Variants in KIF11 observed in about 807,000 individuals in gnomAD.
The protein encoded by KIF11 is kinesin family member 11.
In KIF11, 9 loss-of-function variants were observed where a neutral mutation model predicts 121.0. That is an observed-to-expected ratio of 0.07 (90% CI 0.04 to 0.13). The LOEUF (loss-of-function observed/expected upper bound fraction) is 0.13, where lower values mean the gene tolerates loss of function less well. KIF11 is among the 10% of genes least tolerant of loss of function. The pLI, the probability that KIF11 is intolerant of heterozygous loss-of-function variation, is 1.00. For missense variants in KIF11, 846 were observed against 1,217.5 expected (o/e 0.69, Z 4.54); for synonymous variants, 408 against 421.0 (o/e 0.97, Z 0.38).
chr10:92,621,150 T>G (rs1844613007), intron 9 of KIF11, among the ~76,000 whole-genome samples: 1 of 152,178 alleles, frequency 6.6e-6, no homozygotes, highest in Non-Finnish European at 1.5e-5. Context: ...GAGGTTGTGG[T>G]TTTTCTTGGG....
At chr10:92,610,971 G>C (rs1589592756) in intron 6 of KIF11, among the ~76,000 whole-genome samples, 1 of 151,998 alleles carries the variant, frequency 6.6e-6, no homozygotes, top group East Asian at 1.9e-4. Context: ...CTGAACTAAA[G>C]ACTAGGTAAA....
chr10:92,595,475 A>C (rs933361354), intron 1 of KIF11, among the ~76,000 whole-genome samples: 3 of 152,138 alleles, frequency 2.0e-5, no homozygotes, highest in Non-Finnish European at 4.4e-5. Context: ...CCACAGGTTA[A>C]AGTTTACAGA....
Position 92,649,902 on chromosome 10 carries a change from T to A in KIF11, c.2838T>A (p.His946Gln). 1 of 1,613,320 alleles carries A rather than the reference T, an allele frequency of 6.2e-7. No homozygotes were observed. Among genetic ancestry groups the A allele is most frequent in the Non-Finnish European group, 8.5e-7 (1 of 1,179,342 alleles). The part of the protein sequence containing the change: ...STLVRTEPRE[H>Q]LLDQLKRKQP... ...TGGTAAGAACTGAACCACGTGAACATCTCCTTGATCAGCTGAAAAGGAAAC... is the reference window on the plus strand; with the variant it reads ...TGGTAAGAACTGAACCACGTGAACAACTCCTTGATCAGCTGAAAAGGAAAC... Residue 946 changes from histidine (H) to glutamine (Q), a missense_variant, in exon 20 of 22, where the codon CAT becomes CAA. His to Gln is a conservative substitution (Grantham distance 24). Coordinates refer to ENST00000260731, the MANE Select transcript of KIF11 (RefSeq NM_004523.4).
At chr10:92,601,900 G>A (rs1589587865) in intron 1 of KIF11, among the ~76,000 whole-genome samples, 1 of 151,864 alleles carries the variant, frequency 6.6e-6, no homozygotes, top group African/African-American at 2.4e-5. Context: ...GTTTGCTGTG[G>A]GTTTTTCATA....
chr10:92,651,180 C>A (rs1452753790), intron 21 of KIF11, among the ~76,000 whole-genome samples: 1 of 151,850 alleles, frequency 6.6e-6, no homozygotes, highest in Admixed American at 6.6e-5. Flanking sequence ...CATGCACCAC[C>A]ACACCTGGCT....
intron 19 of KIF11, among the ~76,000 whole-genome samples, chr10:92,649,120 CT>C (rs11285704): frequency 0.15 from 22,227 of 144,028 alleles, 3,386 homozygotes; most frequent in African/African-American, 0.4. Context: ...TCACAAAACT[CT>C]TTTTTTTTTT....
At chr10:92,607,497 G>T (rs1359908518) in intron 4 of KIF11, among the ~76,000 whole-genome samples, 1 of 152,166 alleles carries the variant, frequency 6.6e-6, no homozygotes, top group Non-Finnish European at 1.5e-5. Context: ...AGAATGGTTG[G>T]AGCAGAATAT....
rs772448212 is a variant in KIF11 at position 92,637,405 on chromosome 10, G to A, written c.2020G>A (p.Glu674Lys). 8.2e-6 allele frequency: 13 copies of A among 1,579,066 alleles called. No homozygotes were observed. The highest frequency in any genetic ancestry group is 1.1e-5 in the Non-Finnish European group (13 of 1,171,624). Residue 674 changes from glutamate to lysine, a missense_variant, in exon 16 of 22, where the codon GAA becomes AAA. By Grantham distance (56) the Glu-to-Lys change is moderately conservative. Transcript: ENST00000260731. ...VADKIEDQKK[E>K]LDGFLSILCN... ...TTCAAAGATAGAAGATCAAAAAAAG[G>A]AACTAGATGGCTTTCTCAGTATACT...
At chr10:92,597,448 A>G (rs1181459314) in intron 1 of KIF11, among the ~76,000 whole-genome samples, 1 of 151,964 alleles carries the variant, frequency 6.6e-6, no homozygotes. Context: ...TATTTTTAGT[A>G]GAGATGGGGT....
At chr10:92,596,380 C>T (rs1844297173) in intron 1 of KIF11, among the ~76,000 whole-genome samples, 1 of 152,156 alleles carries the variant, frequency 6.6e-6, no homozygotes, top group African/African-American at 2.4e-5. Context: ...GGGTATTTAC[C>T]CAGAATTGTA....
At chr10:92,608,066 C>CA (rs201815192) in intron 4 of KIF11, among the ~76,000 whole-genome samples, 65 of 112,582 alleles carry the variant, frequency 5.8e-4, no homozygotes, top group African/African-American at 8.5e-4. Flanking sequence ...GACTCTGTCT[C>CA]AAAAAAAAAC....
chr10:92,652,678 A>G (rs1445941533), intron 21 of KIF11, among the ~76,000 whole-genome samples: 4 of 152,204 alleles, frequency 2.6e-5, no homozygotes, highest in Non-Finnish European at 5.9e-5. Context: ...AAGTTAGGAA[A>G]GGGGGAAGGA....
intron 10 of KIF11, among the ~76,000 whole-genome samples, chr10:92,626,755 ATTTTATTTTTAT>A (rs1335231724): frequency 6.6e-6 from 1 of 151,912 alleles, no homozygotes; most frequent in Admixed American, 6.6e-5. Context: ...TATTTATTTT[ATTTTATTTTTAT>A]TTTTATTTTT....
chr10:92,632,686 C>A lies in KIF11; in HGVS notation c.1695C>A (p.Thr565=). The A allele has an allele frequency of 6.3e-7, 1 of 1,597,080 alleles. No individual in the cohort carries two copies. Among genetic ancestry groups the A allele is most frequent in the Non-Finnish European group, 8.5e-7 (1 of 1,169,710 alleles). ...KQKAMLEVHK[T]LFGNLLSSSV... is the part of the protein sequence containing the mutation. ...AGGCCATGCTAGAAGTACATAAGAC[C>A]TTATTTGGTAAGTTCAGGCTGTTCT... is the stretch of plus-strand genomic sequence containing the variant. Residue 565 remains threonine (T), a synonymous_variant, in exon 13 of 22, where the codon ACC becomes ACA. Coordinates refer to ENST00000260731, the MANE Select transcript of KIF11 (RefSeq NM_004523.4).
chr10:92,597,768 C>A (rs1475574337), intron 1 of KIF11, among the ~76,000 whole-genome samples: 1 of 151,974 alleles, frequency 6.6e-6, no homozygotes, highest in Non-Finnish European at 1.5e-5. Context: ...TTTCCTGCCT[C>A]AGCCTCTAGA....
In KIF11 at chr10:92,648,243, C is replaced by T. The variant is rs1449059778; in HGVS notation, c.2579C>T (p.Ser860Leu). Residue 860 changes from serine (S) to leucine (L), a missense_variant, in exon 19 of 22, where the codon TCA becomes TTA. Ser to Leu is a moderately radical substitution (Grantham distance 145). This residue lies in a region of KIF11 where 492 missense variants were observed against 603.4 expected (regional missense o/e 0.82). Coordinates refer to ENST00000260731, the MANE Select transcript of KIF11 (RefSeq NM_004523.4). ...VVSQCCEASSSDITEKSDGRK... is the reference protein window; with the variant it reads ...VVSQCCEASSLDITEKSDGRK... ...AGCCAATGTTGTGAGGCTTCAAGTT[C>T]AGACATCACTGAGAAATCAGATGGA... 3.7e-6 allele frequency: 6 copies of T among 1,611,854 alleles called. No homozygotes were observed. Among genetic ancestry groups the T allele is most frequent in the Non-Finnish European group, 5.1e-6 (6 of 1,179,026 alleles).
chr10:92,626,868 TC>T (rs1665660831), intron 10 of KIF11, among the ~76,000 whole-genome samples: 1 of 152,084 alleles, frequency 6.6e-6, no homozygotes, highest in Non-Finnish European at 1.5e-5. Context: ...CACGCCATTC[TC>T]TCGCCTCAGC....
intron 17 of KIF11, among the ~76,000 whole-genome samples, chr10:92,642,821 G>T (rs936850469): frequency 2.6e-5 from 4 of 151,950 alleles, no homozygotes; most frequent in South Asian, 2.1e-4. Flanking sequence ...CTTTACTTTT[G>T]GTCTAAGTCT....
intron 21 of KIF11, among the ~76,000 whole-genome samples, chr10:92,652,896 C>A (rs982494565): frequency 1.3e-5 from 2 of 152,084 alleles, no homozygotes; most frequent in African/African-American, 4.8e-5. Context: ...ATTTTCTCTG[C>A]GTTTAAAACT....
Sources: gnomAD v4.1 joint callset for allele counts (sites outside exome capture counted in the v4.1 genomes callset) on GRCh38, gnomAD v4.1.1 for gene constraint, gnomAD v4.1.1 regional missense constraint, MANE v1.5 for transcripts, NCBI Gene and HGNC (gene_info 2026-07-23, HGNC 2026-07-21) for gene names.